The following CLEC4G variants were observed in gnomAD, a reference collection of about 807,000 sequenced individuals.
CLEC4G encodes the protein C-type lectin domain family 4 member G.
In CLEC4G, 34 loss-of-function variants were observed where a neutral mutation model predicts 37.0. That is an observed-to-expected ratio of 0.92 (90% CI 0.70 to 1.22). The LOEUF (loss-of-function observed/expected upper bound fraction) is 1.22, where lower values mean the gene tolerates loss of function less well. Ranked by LOEUF, CLEC4G falls within the 50% of genes most tolerant of loss-of-function variation. The pLI, the probability that CLEC4G is intolerant of heterozygous loss-of-function variation, is 0.00. For synonymous variants in CLEC4G, 167 were observed against 165.6 expected (o/e 1.01, Z -0.06); for missense variants, 390 against 392.9 (o/e 0.99, Z 0.06).
chr19:7,731,221 C>T lies in CLEC4G; in HGVS notation c.220+45G>A, dbSNP rs753588392. The T allele has an allele frequency of 6.7e-5, 106 of 1,572,730 alleles. 1 individual carries two copies. The highest frequency in any genetic ancestry group is 3.0e-4 in the Admixed American group (17 of 55,816). ...CCATCTCCGGGGTCTCAGAAACTCCCGCCCCTCACGCCCCGGGGGCCCAGG... is the reference window on the plus strand; with the variant it reads ...CCATCTCCGGGGTCTCAGAAACTCCTGCCCCTCACGCCCCGGGGGCCCAGG... On this transcript the variant is annotated intron_variant, in intron 3 of 8. Coordinates refer to ENST00000328853, the MANE Select transcript of CLEC4G (RefSeq NM_198492.4).
chr19:7,732,098 T>A lies in CLEC4G; in HGVS notation c.5A>T (p.Asp2Val), dbSNP rs1369938860. Residue 2 changes from aspartate (D) to valine (V), a missense_variant, in exon 1 of 9, where the codon GAC (aspartate) becomes GTC (valine). Asp to Val is a radical substitution (Grantham distance 152). Transcript: ENST00000328853. The part of the protein sequence containing the change: M[D>V]TTRYSKWGGS... The stretch of plus-strand genomic sequence containing the variant: ...GCCCCACTTGCTGTACCTGGTGGTG[T>A]CCATGGCGATGCAGGCACCCAGTCC... 3.7e-6 allele frequency: 6 copies of A among 1,603,842 alleles called. 1 individual carries two copies. In the Admixed American group the frequency reaches 8.3e-5, roughly 22 times the overall value.
At position 7,731,292 on chromosome 19, in the gene CLEC4G, T is replaced by C. The variant is rs1329228665; in HGVS notation, c.194A>G (p.Asp65Gly). 5 of 1,587,506 alleles carry C rather than the reference T, an allele frequency of 3.1e-6. No individual in the cohort carries two copies. The highest frequency in any genetic ancestry group is 4.3e-6 in the Non-Finnish European group (5 of 1,171,334). ...KASTERAALL[D>G]GHDLLRTNAS... is the part of the protein sequence containing the mutation. ...GTTTGTCCTCAGCAGGTCGTGGCCGTCAAGCAGCGCCGCGCGCTCCGTGGA... is the reference window on the plus strand; with the variant it reads ...GTTTGTCCTCAGCAGGTCGTGGCCGCCAAGCAGCGCCGCGCGCTCCGTGGA... Residue 65 changes from aspartate to glycine, a missense_variant, in exon 3 of 9, where the codon GAC becomes GGC. By Grantham distance (94) the Asp-to-Gly change is moderately conservative (BLOSUM62 -1). Transcript: ENST00000328853.
At position 7,732,079 on chromosome 19, in the gene CLEC4G, C is replaced by T. The variant is rs574712831; in HGVS notation, c.24G>A (p.Lys8=). 4 of 1,610,420 alleles carry T rather than the reference C, an allele frequency of 2.5e-6. No individual in the cohort carries two copies. The highest frequency in any genetic ancestry group is 2.2e-5 in the East Asian group (1 of 44,858). The stretch of plus-strand genomic sequence containing the variant: ...GGACCTCCTCGGAGCTGCCGCCCCA[C>T]TTGCTGTACCTGGTGGTGTCCATGG... MDTTRYS[K]WGGSSEEVPG... The change falls in exon 1 of 9, where the codon AAG becomes AAA. Residue 8 remains lysine, a synonymous_variant. Transcript: ENST00000328853.
chr19:7,730,347 T>C lies in CLEC4G; in HGVS notation c.478+4A>G. 1 of 1,594,892 alleles carries C rather than the reference T, an allele frequency of 6.3e-7. No homozygotes were observed. Among genetic ancestry groups the C allele is most frequent in the Non-Finnish European group, 8.5e-7 (1 of 1,173,978 alleles). ...GCCCGCCCCCGACCCCCCGTCTCGC[T>C]CACTGTTCTGGAGCCTCACGGCCTC... On this transcript the variant is annotated splice_donor_region_variant and intron_variant, in intron 6 of 8. Transcript: ENST00000328853. The surrounding 1 kb of genome is among the most constrained non-coding windows in gnomAD (Gnocchi z 7.3).
chr19:7,729,698 T>G, intron 8 of CLEC4G, 123 bp downstream of exon 8: 2 of 1,493,424 alleles, frequency 1.3e-6, no homozygotes, highest in Non-Finnish European at 1.8e-6. Context: ...GTTCCTGGGG[T>G]CCAGCCTGCC....
In CLEC4G at chr19:7,730,687, A is replaced by C; in HGVS notation, c.388+68T>G. On this transcript the variant is annotated intron_variant, in intron 5 of 8. Transcript: ENST00000328853. The surrounding 1 kb of genome is among the most constrained non-coding windows in gnomAD (Gnocchi z 7.3). Reference sequence around the variant, plus strand: ...TGCATGATCGGGGTCGGGGGTCAGCACTCAGGACGGGGTCGGGGTCGGGGG... The same window carrying C: ...TGCATGATCGGGGTCGGGGGTCAGCCCTCAGGACGGGGTCGGGGTCGGGGG... The C allele has an allele frequency of 1.3e-6, 2 of 1,484,162 alleles. No homozygotes were observed. Among genetic ancestry groups the C allele is most frequent in the Non-Finnish European group, 1.8e-6 (2 of 1,121,986 alleles). 91.9% of individuals were successfully genotyped at this position (1,484,162 alleles called of 1,614,324 possible). A position where few individuals can be genotyped will look rare whatever the true frequency, so the allele number is the denominator to read the frequency against.
At chr19:7,731,837 A>G in intron 1 of CLEC4G, 66 bp from the exon 2 acceptor site, 1 of 1,559,058 alleles carries the variant, frequency 6.4e-7, no homozygotes. Flanking sequence ...AGTTACTCCC[A>G]GGAAACTGAG....
rs758642828 is a variant in CLEC4G, at chr19:7,729,997, C to T, written c.627+22G>A. 6.2e-6 allele frequency: 10 copies of T among 1,600,690 alleles called. No individual in the cohort carries two copies. The Middle Eastern group carries it at 5.0e-4, about 80-fold the overall frequency. ...GCCCCGCCCTGCCCCACCGCCTGAC[C>T]ACGCCCCCTCCCCCTGCGCACCTGC... On this transcript the variant is annotated intron_variant, in intron 7 of 8. Transcript: ENST00000328853.
At chr19:7,731,128 C>A (rs1478715711) in intron 3 of CLEC4G, 40 bp from the exon 4 acceptor site, 3 of 1,603,372 alleles carry the variant, frequency 1.9e-6, no homozygotes, top group Non-Finnish European at 1.7e-6. Context: ...CCCCTCGGGT[C>A]ACTTGGGAGG....
chr19:7,729,616 C>T, intron 8 of CLEC4G, 112 bp from the exon 9 acceptor site: 2 of 1,189,432 alleles, frequency 1.7e-6, no homozygotes, highest in Non-Finnish European at 2.4e-6. Flanking sequence ...CTACTCTAGA[C>T]ACCCCAACTG....
rs1467081109 is a variant in CLEC4G, at chr19:7,730,142, C to T, written c.504G>A (p.Ser168=). 3 of 1,612,918 alleles carry T rather than the reference C, an allele frequency of 1.9e-6. No individual in the cohort carries two copies. The highest frequency in any genetic ancestry group is 1.3e-5 in the African/African-American group (1 of 74,916). The change falls in exon 7 of 9, where the codon TCG becomes TCA. Residue 168 remains serine, a synonymous_variant. Coordinates refer to ENST00000328853, the MANE Select transcript of CLEC4G (RefSeq NM_198492.4). The surrounding 1 kb of genome is among the most constrained non-coding windows in gnomAD (Gnocchi z 7.3). The stretch of plus-strand genomic sequence containing the variant: ...AGCAGGAGCCCTCGAAGGACAGCCA[C>T]GACGTGGGGCACGGCTCGCAGGAGT... ...QNNSCEPCPT[S]WLSFEGSCYF...
Position 7,729,484 on chromosome 19 carries a change from G to A in CLEC4G, c.764C>T (p.Pro255Leu), listed in dbSNP as rs1386647962. The stretch of plus-strand genomic sequence containing the variant: ...GTTCTCGCGCCCCCAAGCGTCATTG[G>A]GCTCTCCCTGGTTCCAGTGGCTACA... ...LSFSHWNQGE[P>L]NDAWGRENCV... is the part of the protein sequence containing the mutation. The change falls in exon 9 of 9, where the codon CCC (proline) becomes CTC (leucine). Residue 255 changes from proline to leucine, a missense_variant. By Grantham distance (98) the Pro-to-Leu change is moderately conservative (BLOSUM62 -3). Transcript: ENST00000328853. 1 of 1,606,232 alleles carries A rather than the reference G, an allele frequency of 6.2e-7. No individual in the cohort carries two copies. The highest frequency in any genetic ancestry group is 1.3e-5 in the African/African-American group (1 of 74,844).
At chr19:7,731,811 G>A (rs372079482) in intron 1 of CLEC4G, 40 bp from the exon 2 acceptor site, 32 of 1,591,730 alleles carry the variant, frequency 2.0e-5, no homozygotes, top group Non-Finnish European at 2.7e-5. Context: ...CCCCAGAACT[G>A]AGCCCTGGAG....
rs1032347438 is a variant in CLEC4G at position 7,730,446 on chromosome 19, G to A, written c.389-6C>T. On this transcript the variant is annotated splice_polypyrimidine_tract_variant and splice_region_variant and intron_variant, in intron 5 of 8. Transcript: ENST00000328853. The surrounding 1 kb of genome is among the most constrained non-coding windows in gnomAD (Gnocchi z 7.3). ...TTCAGCCAAGCCCTGGGTCACTGCG[G>A]GGTCAAGGGAGCGGGGATTATGGCT... The A allele has an allele frequency of 6.2e-7, 1 of 1,600,388 alleles. No individual in the cohort carries two copies. The highest frequency in any genetic ancestry group is 1.3e-5 in the African/African-American group (1 of 74,932).
chr19:7,730,861 T>C lies in CLEC4G; in HGVS notation c.284-2A>G. 6.5e-7 allele frequency: 1 copy of C among 1,529,244 alleles called. No individual in the cohort carries two copies. The highest frequency in any genetic ancestry group is 8.7e-7 in the Non-Finnish European group (1 of 1,144,816). 94.7% of individuals were successfully genotyped at this position (1,529,244 alleles called of 1,614,324 possible). ...GCAGCTGCGCCTGCGTCCCCGAGCC[T>C]GGGAGCCGCAGGGTGAGAGGGGCGA... is the stretch of plus-strand genomic sequence containing the variant. On this transcript the variant is annotated splice_acceptor_variant, in intron 4 of 8. Transcript: ENST00000328853. LOFTEE classifies it high-confidence loss of function. This position sits in a 1 kb window ranked among gnomAD's most constrained non-coding sequence, Gnocchi z 7.3.
rs1266396618 is a variant in CLEC4G at position 7,729,102 on chromosome 19, G to A, written c.*264C>T. The A allele has an allele frequency of 1.2e-5, 7 of 600,796 alleles. No individual in the cohort carries two copies. The highest frequency in any genetic ancestry group is 3.7e-5 in the African/African-American group (2 of 54,792). The allele number at this position is 600,796 out of a possible 1,614,324, so 37.2% of individuals were successfully genotyped here. ...AGGGAGAGAAGTGGAGGCATATCAC[G>A]GGGACGCAGGAGCAGGGATTTTGGA... On this transcript the variant is annotated 3_prime_UTR_variant, in exon 9 of 9. Transcript: ENST00000328853.
At chr19:7,729,581 G>T (rs114639709) in intron 8 of CLEC4G, 77 bp from the exon 9 acceptor site, 1 of 1,270,562 alleles carries the variant, frequency 7.9e-7, no homozygotes, top group Non-Finnish European at 1.1e-6. Flanking sequence ...TCCTCTTCAG[G>T]CTCTAGCCTG....
chr19:7,731,676 T>A lies in CLEC4G; in HGVS notation c.151A>T (p.Ile51Phe). ...AGTCACTCACCCTTGGACAATAGGA[T>A]ACTCAGAATCACAGCCCAAAGGACT... ...TTVLWAVILS[I>F]LLSKASTERA... is the part of the protein sequence containing the mutation. Residue 51 changes from isoleucine to phenylalanine, a missense_variant, in exon 2 of 9, where the codon ATC becomes TTC. Ile to Phe is a conservative substitution (Grantham distance 21, BLOSUM62 0). Coordinates refer to ENST00000328853, the MANE Select transcript of CLEC4G (RefSeq NM_198492.4). The A allele has an allele frequency of 6.2e-7, 1 of 1,614,008 alleles. No individual in the cohort carries two copies.
In CLEC4G at chr19:7,729,725, G is replaced by A. The variant is rs1442433411; in HGVS notation, c.743+96C>T. On this transcript the variant is annotated intron_variant, in intron 8 of 8. Transcript: ENST00000328853. ...CAGCCTGCCCATCCCTAAGTATGGAGCCCCAGCCGAGGGGTCCCTGAGATC... is the reference window on the plus strand; with the variant it reads ...CAGCCTGCCCATCCCTAAGTATGGAACCCCAGCCGAGGGGTCCCTGAGATC... The A allele has an allele frequency of 3.9e-6, 6 of 1,550,106 alleles. No individual in the cohort carries two copies. The Admixed American group carries it at 5.9e-5, about 15-fold the overall frequency.
Sources: gnomAD v4.1 joint callset for allele counts on GRCh38, gnomAD v4.1.1 for gene constraint, Gnocchi (gnomAD v3.1) non-coding constraint, MANE v1.5 for transcripts, NCBI Gene and HGNC (gene_info 2026-07-23, HGNC 2026-07-21) for gene names.